The following PTPRD variants were observed in gnomAD, a reference collection of about 807,000 sequenced individuals.
The protein encoded by PTPRD is receptor-type tyrosine-protein phosphatase delta.
In PTPRD, 34 loss-of-function variants were observed where a neutral mutation model predicts 214.5. That is an observed-to-expected ratio of 0.16 (90% CI 0.12 to 0.21). PTPRD has a LOEUF of 0.21. Ranked by LOEUF, PTPRD falls within the 10% of genes least tolerant of loss-of-function variation. The probability of loss-of-function intolerance (pLI) is 1.00; values close to 1 mark genes in which losing one functional copy is unlikely to be tolerated. For missense variants in PTPRD, 2,545 were observed against 2,398.7 expected, an observed-to-expected ratio of 1.06 and a Z score of -1.27; for synonymous variants, 1,128 against 845.7, an observed-to-expected ratio of 1.33 and a Z score of -5.79.
chr9:9,903,209 A>G (rs1382598967), intron 5 of PTPRD, among the ~76,000 whole-genome samples: 1 of 152,148 alleles, frequency 6.6e-6, no homozygotes. Flanking sequence ...ATGCATATGA[A>G]TGAATGCATT....
intron 8 of PTPRD, among the ~76,000 whole-genome samples, chr9:9,509,232 GA>G (rs1015170434): frequency 2.6e-5 from 4 of 151,276 alleles, no homozygotes; most frequent in South Asian, 2.1e-4. Context: ...TTAATTATGG[GA>G]AAAAAACCCA....
intron 39 of PTPRD, among the ~76,000 whole-genome samples, chr9:8,350,376 A>T (rs1488605366): frequency 1.3e-5 from 2 of 152,176 alleles, no homozygotes; most frequent in African/African-American, 2.4e-5. Flanking sequence ...GGACTAAAAA[A>T]ATCATTGTGA....
chr9:8,703,978 G>C (rs1358201164), intron 12 of PTPRD, among the ~76,000 whole-genome samples: 1 of 152,058 alleles, frequency 6.6e-6, no homozygotes, highest in Non-Finnish European at 1.5e-5. Context: ...ACAAATCTGG[G>C]AGTCATCCTT....
chr9:9,985,562 A>T (rs2154071623), intron 4 of PTPRD, among the ~76,000 whole-genome samples: 1 of 152,298 alleles, frequency 6.6e-6, no homozygotes. Context: ...TGATATCTAC[A>T]TTTAAAGACT....
At chr9:8,975,761 A>G (rs2099264457) in intron 11 of PTPRD, among the ~76,000 whole-genome samples, 1 of 150,868 alleles carries the variant, frequency 6.6e-6, no homozygotes, top group South Asian at 2.1e-4. Flanking sequence ...AAAAGATGGA[A>G]ATTACAGAAA....
At chr9:9,046,040 T>C (rs1273837655) in intron 10 of PTPRD, among the ~76,000 whole-genome samples, 1 of 152,126 alleles carries the variant, frequency 6.6e-6, no homozygotes, top group African/African-American at 2.4e-5. Context: ...AGCTGAAAAA[T>C]ATGGACAAAG....
At chr9:9,006,001 A>G (rs1325925943) in intron 11 of PTPRD, among the ~76,000 whole-genome samples, 1 of 151,660 alleles carries the variant, frequency 6.6e-6, no homozygotes, top group Non-Finnish European at 1.5e-5. Flanking sequence ...AATAGCCTGG[A>G]TTTTTTTTTA....
intron 10 of PTPRD, among the ~76,000 whole-genome samples, chr9:9,043,881 G>C (rs2099656168): frequency 6.7e-6 from 1 of 149,928 alleles, no homozygotes; most frequent in Non-Finnish European, 1.5e-5. Flanking sequence ...TCCAGCCTGG[G>C]TGACAGAGTG....
intron 9 of PTPRD, among the ~76,000 whole-genome samples, chr9:9,318,596 A>T (rs1964692007): frequency 6.6e-6 from 1 of 152,174 alleles, no homozygotes; most frequent in Non-Finnish European, 1.5e-5. Context: ...TCTGCAAACG[A>T]TTTCAAAGAA....
At chr9:10,445,607 G>T (rs1464291608) in intron 2 of PTPRD, among the ~76,000 whole-genome samples, 1 of 152,042 alleles carries the variant, frequency 6.6e-6, no homozygotes, top group Non-Finnish European at 1.5e-5. Flanking sequence ...TTAGAATTTG[G>T]TTTGCATGTC....
chr9:8,720,017 G>A (rs2098475452), intron 12 of PTPRD, among the ~76,000 whole-genome samples: 1 of 152,154 alleles, frequency 6.6e-6, no homozygotes, highest in African/African-American at 2.4e-5. Context: ...ATTTATTGCT[G>A]TGTTAAAAAC....
intron 44 of PTPRD, among the ~76,000 whole-genome samples, chr9:8,320,378 T>C (rs1038123809): frequency 3.3e-5 from 5 of 152,148 alleles, no homozygotes; most frequent in African/African-American, 1.2e-4. Context: ...CATCTTCAAC[T>C]TTTCTATCAC....
rs56267970 is a variant in PTPRD, at chr9:9,991,832, CCACACACACACACACACA to C, written c.-472+41868_-472+41885del. The stretch of plus-strand genomic sequence containing the variant: ...AAATGTGCGAGGGACTTCAACAGCA[CCACACACACACACACACA>C]CACACACACACACACACACGAGTTC... On this transcript the variant is annotated intron_variant, in intron 4 of 45. Coordinates refer to ENST00000381196, the MANE Select transcript of PTPRD (RefSeq NM_002839.4). Among the ~76,000 whole-genome samples the C allele has an allele frequency of 6.4e-4, 95 of 147,638 alleles. 1 individual carries two copies. The highest frequency in any genetic ancestry group is 2.2e-3 in the African/African-American group (89 of 39,860).
chr9:9,657,550 T>C (rs1056680768), intron 7 of PTPRD, among the ~76,000 whole-genome samples: 4 of 152,190 alleles, frequency 2.6e-5, no homozygotes, highest in African/African-American at 7.2e-5. Flanking sequence ...GGTATACCTA[T>C]GTAACAAACA....
chr9:10,356,724 C>T (rs1465384738), intron 2 of PTPRD, among the ~76,000 whole-genome samples: 2 of 151,766 alleles, frequency 1.3e-5, no homozygotes, highest in East Asian at 3.9e-4. Context: ...TCTGTCGCCA[C>T]GTTGTAGTGC....
chr9:10,424,729 G>A (rs1489488257), intron 2 of PTPRD, among the ~76,000 whole-genome samples: 1 of 151,812 alleles, frequency 6.6e-6, no homozygotes, highest in African/African-American at 2.4e-5. Flanking sequence ...ACCACTAGAA[G>A]GATTTATGTG....
In PTPRD at chr9:9,369,557, G is replaced by T. The variant is rs913267812; in HGVS notation, c.-203+27892C>A. Among the ~76,000 whole-genome samples the T allele has an allele frequency of 9.2e-5, 14 of 152,022 alleles. 1 individual carries two copies. The highest frequency in any genetic ancestry group is 1.8e-4 in the Non-Finnish European group (12 of 68,008). ...TGCAAACATTTTCTCCCATTCTGTAGGTTGCCTGTTCACTCTGATGATAGT... is the reference window on the plus strand; with the variant it reads ...TGCAAACATTTTCTCCCATTCTGTATGTTGCCTGTTCACTCTGATGATAGT... On this transcript the variant is annotated intron_variant, in intron 9 of 45. Transcript: ENST00000381196.
At chr9:8,375,789 T>G in intron 39 of PTPRD, 147 bp downstream of exon 39, 1 of 834,604 alleles carries the variant, frequency 1.2e-6, no homozygotes, top group Non-Finnish European at 1.8e-6. Flanking sequence ...CCTATTGATG[T>G]TAGCATAGGC....
chr9:9,210,796 A>G (rs1231327090), intron 9 of PTPRD, among the ~76,000 whole-genome samples: 2 of 151,878 alleles, frequency 1.3e-5, no homozygotes, highest in Non-Finnish European at 2.9e-5. Flanking sequence ...TGAACTTACT[A>G]ATTTTGCTCC....
Sources: gnomAD v4.1 joint callset for allele counts (sites outside exome capture counted in the v4.1 genomes callset) on GRCh38, gnomAD v4.1.1 for gene constraint, MANE v1.5 for transcripts, NCBI Gene and HGNC (gene_info 2026-07-23, HGNC 2026-07-21) for gene names.